GPC5: variants seen among roughly 807,000 people sequenced by gnomAD.
GPC5 encodes glypican-5.
A neutral mutation model predicts 53.9 loss-of-function variants in GPC5; 47 were observed. The ratio of observed to expected loss-of-function variants is 0.87; its 90% CI spans 0.69 to 1.11. The LOEUF is 1.11. GPC5 is among the 50% of genes most tolerant of loss of function. The pLI is 0.00. For missense variants in GPC5, 748 were observed against 713.1 expected (o/e 1.05, Z -0.56); for synonymous variants, 286 against 263.3 (o/e 1.09, Z -0.84).
intron 7 of GPC5, among the ~76,000 whole-genome samples, chr13:92,460,996 G>A (rs1222570208): frequency 5.3e-5 from 8 of 152,170 alleles, no homozygotes; most frequent in Admixed American, 1.3e-4. Context: ...GATGTTACAT[G>A]GAAAGAAACA....
chr13:91,930,010 C>A (rs981233678), intron 6 of GPC5, among the ~76,000 whole-genome samples: 3 of 151,914 alleles, frequency 2.0e-5, no homozygotes, highest in African/African-American at 4.8e-5. Context: ...TATAAGCTAG[C>A]CTTTGATGGC....
At chr13:91,655,291 G>A (rs2034818572) in intron 2 of GPC5, among the ~76,000 whole-genome samples, 1 of 152,062 alleles carries the variant, frequency 6.6e-6, no homozygotes. Context: ...AATTCTGTGT[G>A]TGTTTGTGTG....
At chr13:91,406,849 C>T (rs1379435400) in intron 1 of GPC5, among the ~76,000 whole-genome samples, 2 of 152,182 alleles carry the variant, frequency 1.3e-5, no homozygotes, top group Admixed American at 6.6e-5. Context: ...TTTGTACTAC[C>T]GCCCTCTTGT....
intron 7 of GPC5, among the ~76,000 whole-genome samples, chr13:92,327,850 C>T (rs566875611): frequency 6.6e-6 from 1 of 152,154 alleles, no homozygotes; most frequent in Non-Finnish European, 1.5e-5. Context: ...CCAAACACAG[C>T]CTTCTCATTC....
chr13:92,537,826 A>C (rs1257859854), intron 7 of GPC5, among the ~76,000 whole-genome samples: 1 of 152,102 alleles, frequency 6.6e-6, no homozygotes, highest in Non-Finnish European at 1.5e-5. Context: ...GCGTTTTATA[A>C]ATCCAATCAA....
intron 5 of GPC5, among the ~76,000 whole-genome samples, chr13:91,774,788 T>C (rs1340894666): frequency 6.6e-6 from 1 of 152,178 alleles, no homozygotes; most frequent in Non-Finnish European, 1.5e-5. Flanking sequence ...CTGCAATTTG[T>C]GTTTCATTGC....
intron 7 of GPC5, among the ~76,000 whole-genome samples, chr13:92,648,498 G>C (rs1333092305): frequency 1.3e-5 from 2 of 152,018 alleles, no homozygotes; most frequent in African/African-American, 4.8e-5. Context: ...TATTTGGGTA[G>C]CCACCATTCA....
At chr13:91,570,315 C>T (rs1350743099) in intron 2 of GPC5, among the ~76,000 whole-genome samples, 1 of 152,148 alleles carries the variant, frequency 6.6e-6, no homozygotes, top group African/African-American at 2.4e-5. Context: ...CCAAAATTCT[C>T]CTAAATCTGA....
intron 6 of GPC5, among the ~76,000 whole-genome samples, chr13:91,971,968 G>T (rs2040246517): frequency 6.6e-6 from 1 of 152,122 alleles, no homozygotes; most frequent in Non-Finnish European, 1.5e-5. Context: ...GAGTTCTGTA[G>T]ATGTCTATTA....
intron 7 of GPC5, among the ~76,000 whole-genome samples, chr13:92,148,665 G>T (rs2041885506): frequency 6.6e-6 from 1 of 152,006 alleles, no homozygotes; most frequent in Non-Finnish European, 1.5e-5. Context: ...GGGGTTGCAG[G>T]ATTGGAATGG....
At chr13:91,976,386 G>A (rs966807002) in intron 6 of GPC5, among the ~76,000 whole-genome samples, 1 of 152,194 alleles carries the variant, frequency 6.6e-6, no homozygotes, top group Admixed American at 6.5e-5. Context: ...TGCATAGAAA[G>A]CCAATTACTG....
At chr13:91,446,331 T>C (rs931325931) in intron 1 of GPC5, among the ~76,000 whole-genome samples, 2 of 152,166 alleles carry the variant, frequency 1.3e-5, no homozygotes, top group Admixed American at 6.5e-5. Context: ...TTCAGAAACA[T>C]CCCCACAATT....
chr13:91,784,726 G>GAAAAAAA (rs10644468), intron 5 of GPC5, among the ~76,000 whole-genome samples: 3,469 of 143,484 alleles, frequency 0.024, 194 homozygotes, highest in African/African-American at 0.086. Context: ...CTCCATCTCA[G>GAAAAAAA]AAAAAAAAAA....
At chr13:92,565,317 C>G (rs1882829464) in intron 7 of GPC5, among the ~76,000 whole-genome samples, 1 of 152,024 alleles carries the variant, frequency 6.6e-6, no homozygotes, top group Admixed American at 6.6e-5. Flanking sequence ...GCACTTTCAC[C>G]TTGGTTTTTT....
At chr13:92,139,666 C>CAAAA (rs5805729) in intron 6 of GPC5, among the ~76,000 whole-genome samples, 10,880 of 93,780 alleles carry the variant, frequency 0.12, 902 homozygotes, top group African/African-American at 0.15. Flanking sequence ...GATTCCGTCT[C>CAAAA]AAAAAAAAAA....
At chr13:92,164,821 A>T (rs1263955226) in intron 7 of GPC5, among the ~76,000 whole-genome samples, 1 of 152,192 alleles carries the variant, frequency 6.6e-6, no homozygotes, top group Non-Finnish European at 1.5e-5. Flanking sequence ...CTGGACATCC[A>T]GGCATTTCTG....
chr13:92,426,119 C>A (rs1876821444), intron 7 of GPC5, among the ~76,000 whole-genome samples: 2 of 152,054 alleles, frequency 1.3e-5, no homozygotes, highest in Admixed American at 1.3e-4. Flanking sequence ...CCAAGGTTCA[C>A]AATGGAAGCT....
At chr13:92,043,470 G>A (rs2040957832) in intron 6 of GPC5, among the ~76,000 whole-genome samples, 1 of 152,162 alleles carries the variant, frequency 6.6e-6, no homozygotes, top group African/African-American at 2.4e-5. Flanking sequence ...ATGGAAATTG[G>A]TAAGGAGAGG....
At chr13:92,663,641 C>CTATATATATACTA (rs1256064176) in intron 7 of GPC5, among the ~76,000 whole-genome samples, 4 of 137,598 alleles carry the variant, frequency 2.9e-5, no homozygotes, top group East Asian at 4.1e-4. Context: ...TATATACACA[C>CTATATATATACTA]TATATATATA....
Sources: gnomAD v4.1 joint callset for allele counts (sites outside exome capture counted in the v4.1 genomes callset) on GRCh38, gnomAD v4.1.1 for gene constraint, MANE v1.5 for transcripts, NCBI Gene and HGNC (gene_info 2026-07-23, HGNC 2026-07-21) for gene names.